DUS4L: variants seen among roughly 807,000 people sequenced by gnomAD.
The protein encoded by DUS4L is dihydrouridine synthase 4 like.
A neutral mutation model predicts 33.8 loss-of-function variants in DUS4L; 31 were observed. The observed-to-expected ratio is 0.92, with a 90% confidence interval of 0.69 to 1.24. The LOEUF is 1.24. Among genes scored for constraint, DUS4L ranks in the 50% most tolerant of loss-of-function variants. The pLI is 0.00. For missense variants in DUS4L, 368 were observed against 388.6 expected (o/e 0.95, Z 0.45); for synonymous variants, 103 against 120.3 (o/e 0.86, Z 0.94).
intron 3 of DUS4L, 100 bp downstream of exon 3, chr7:107,567,286 A>G: frequency 1.1e-6 from 1 of 916,474 alleles, no homozygotes; most frequent in Non-Finnish European, 1.7e-6. Flanking sequence ...TGGGAACTTC[A>G]AACTCTTAGC....
chr7:107,567,278 G>A, intron 3 of DUS4L, 92 bp downstream of exon 3: 1 of 1,018,316 alleles, frequency 9.8e-7, no homozygotes, highest in Non-Finnish European at 1.5e-6. Flanking sequence ...CCACCATATG[G>A]GAACTTCAAA....
chr7:107,567,281 A>T, intron 3 of DUS4L, 95 bp downstream of exon 3: 1 of 963,490 alleles, frequency 1.0e-6, no homozygotes, highest in East Asian at 2.6e-5. Flanking sequence ...CCATATGGGA[A>T]CTTCAAACTC....
At position 107,577,132 on chromosome 7, in the gene DUS4L, G is replaced by A. The variant is rs564402530; in HGVS notation, c.707-181G>A. 6.6e-4 allele frequency: 526 copies of A among 795,700 alleles called. 8 individuals are homozygous for A. The South Asian group carries it at 0.01, about 15-fold the overall frequency. 49.3% of individuals were successfully genotyped at this position (795,700 alleles called of 1,614,324 possible). On this transcript the variant is annotated intron_variant, in intron 7 of 7. Coordinates refer to ENST00000265720, the MANE Select transcript of DUS4L (RefSeq NM_181581.3). ...TCTGTACGTACATTTAAACTTTCCTGGTTTACAAAAGGTACCAAAATTAAT... is the reference window on the plus strand; with the variant it reads ...TCTGTACGTACATTTAAACTTTCCTAGTTTACAAAAGGTACCAAAATTAAT...
intron 6 of DUS4L, 113 bp from the exon 7 acceptor site, chr7:107,576,253 A>G: frequency 9.7e-7 from 1 of 1,034,676 alleles, no homozygotes; most frequent in South Asian, 1.5e-5. Flanking sequence ...TAGAGTAATA[A>G]TATGATATAG....
rs1296476093 is a variant in DUS4L at position 107,571,145 on chromosome 7, G to T, written c.117G>T (p.Lys39Asn). 6.2e-7 allele frequency: 1 copy of T among 1,613,542 alleles called. No individual in the cohort carries two copies. The highest frequency in any genetic ancestry group is 1.1e-5 in the South Asian group (1 of 90,954). ...KVCAPMVRYSKLAFRTLVRKY... is the reference protein window; with the variant it reads ...KVCAPMVRYSNLAFRTLVRKY... Reference sequence around the variant, plus strand: ...TAATTAAGGTTTTATATGCTCACAGGTTGGCTTTTAGGACACTAGTAAGAA... The same window carrying T: ...TAATTAAGGTTTTATATGCTCACAGTTTGGCTTTTAGGACACTAGTAAGAA... Residue 39 changes from lysine (K) to asparagine (N), a missense_variant and splice_region_variant, in exon 4 of 8, where the codon AAG (lysine) becomes AAT (asparagine). By Grantham distance (94) the Lys-to-Asn change is moderately conservative. Coordinates refer to ENST00000265720, the MANE Select transcript of DUS4L (RefSeq NM_181581.3).
At chr7:107,571,673 G>T (rs796810688) in intron 4 of DUS4L, among the ~76,000 whole-genome samples, 13 of 152,316 alleles carry the variant, frequency 8.5e-5, no homozygotes, top group African/African-American at 3.1e-4. Context: ...ATTTACAGGT[G>T]TACTAAATCA....
chr7:107,570,940 C>T, intron 3 of DUS4L: 1 of 565,950 alleles, frequency 1.8e-6, no homozygotes, highest in Non-Finnish European at 2.9e-6. Context: ...ATCTGGACAT[C>T]TTTTCTTCAC....
chr7:107,577,062 TAA>T, intron 7 of DUS4L: 1 of 444,552 alleles, frequency 2.2e-6, no homozygotes, highest in Non-Finnish European at 3.8e-6. Flanking sequence ...AAAGAAAAAC[TAA>T]AGACTAATGG....
At chr7:107,570,965 T>C (rs1052059736) in intron 3 of DUS4L, 180 bp from the exon 4 acceptor site, 4 of 747,160 alleles carry the variant, frequency 5.4e-6, no homozygotes, top group Non-Finnish European at 6.0e-6. Flanking sequence ...CAAAATTTTC[T>C]TGTGTTTGTT....
intron 7 of DUS4L, 92 bp downstream of exon 7, chr7:107,576,684 A>G: frequency 8.1e-7 from 1 of 1,227,864 alleles, no homozygotes; most frequent in Non-Finnish European, 1.1e-6. Flanking sequence ...TGTTTTGTTT[A>G]ACATTAAGCC....
At chr7:107,574,665 A>G (rs1805571105) in intron 5 of DUS4L, among the ~76,000 whole-genome samples, 1 of 152,220 alleles carries the variant, frequency 6.6e-6, no homozygotes, top group South Asian at 2.1e-4. Context: ...CTTTACTGGC[A>G]CTGTAGTAGA....
At chr7:107,573,577 G>C in intron 4 of DUS4L, 127 bp from the exon 5 acceptor site, 1 of 812,980 alleles carries the variant, frequency 1.2e-6, no homozygotes, top group Non-Finnish European at 1.8e-6. Flanking sequence ...TATATTATTT[G>C]GACAGATGCT....
intron 3 of DUS4L, chr7:107,567,984 T>C (rs1804871583): frequency 4.7e-6 from 1 of 213,034 alleles, no homozygotes; most frequent in African/African-American, 2.4e-5. Context: ...ACTTGTTCCT[T>C]TTTAAGGCTG....
At chr7:107,571,451 A>G (rs1177112325) in intron 4 of DUS4L, among the ~76,000 whole-genome samples, 185 bp downstream of exon 4, 3 of 152,224 alleles carry the variant, frequency 2.0e-5, no homozygotes, top group Admixed American at 2.0e-4. Context: ...TGTATATACC[A>G]AAGTGTAAGG....
chr7:107,576,260 A>G (rs1805733959), intron 6 of DUS4L, 106 bp from the exon 7 acceptor site: 12 of 1,103,122 alleles, frequency 1.1e-5, no homozygotes, highest in South Asian at 8.8e-5. Flanking sequence ...ATAATATGAT[A>G]TAGCAAAGCT....
chr7:107,573,487 C>T (rs1289276287), intron 4 of DUS4L, among the ~76,000 whole-genome samples: 1 of 152,178 alleles, frequency 6.6e-6, no homozygotes, highest in Non-Finnish European at 1.5e-5. Flanking sequence ...GAATTGTTTT[C>T]ATTTATCAAA....
Position 107,563,986 on chromosome 7 carries a change from C to G in DUS4L, c.-334C>G. On this transcript the variant is annotated 5_prime_UTR_variant, in exon 1 of 8. Transcript: ENST00000265720. ...TCCCGGCGCCGCCCGCCCACCCAGC[C>G]CATGGCTCCAGGCCCACCTGGCGAA... 5 of 1,568,174 alleles carry G rather than the reference C, an allele frequency of 3.2e-6. No individual in the cohort carries two copies. Among genetic ancestry groups the G allele is most frequent in the South Asian group, 1.2e-5 (1 of 85,564 alleles).
rs1805619099 is a variant in DUS4L at position 107,575,177 on chromosome 7, G to C, written c.357-11G>C. ...TTATAATTCACTTGTTCATGTGTTT[G>C]CTTTACAAAGGTGGGCAATGGCAGA... On this transcript the variant is annotated splice_polypyrimidine_tract_variant and intron_variant, in intron 5 of 7. Transcript: ENST00000265720. 3 of 1,606,186 alleles carry C rather than the reference G, an allele frequency of 1.9e-6. No homozygotes were observed. The East Asian group carries it at 6.7e-5, about 36-fold the overall frequency.
chr7:107,567,223 A>G, intron 3 of DUS4L, 37 bp downstream of exon 3: 1 of 1,583,132 alleles, frequency 6.3e-7, no homozygotes, highest in Non-Finnish European at 8.7e-7. Context: ...CTAAGATGAA[A>G]TTTCCCTTTT....
Sources: gnomAD v4.1 joint callset for allele counts (sites outside exome capture counted in the v4.1 genomes callset) on GRCh38, gnomAD v4.1.1 for gene constraint, MANE v1.5 for transcripts, NCBI Gene and HGNC (gene_info 2026-07-23, HGNC 2026-07-21) for gene names.